The following PPM1G variants were observed in gnomAD, a reference collection of about 807,000 sequenced individuals.
The protein encoded by PPM1G is protein phosphatase 1G.
PPM1G carries 12 observed loss-of-function variants against 59.4 expected under a neutral mutation model. The observed-to-expected ratio is 0.20, with a 90% CI of 0.13 to 0.33. The LOEUF (loss-of-function observed/expected upper bound fraction) is 0.33. PPM1G is among the 10% of genes least tolerant of loss of function. The pLI is 1.00. For synonymous variants in PPM1G, 245 were observed against 251.9 expected, an observed-to-expected ratio of 0.97 and a Z score of 0.26; for missense variants, 392 against 681.3, an observed-to-expected ratio of 0.58 and a Z score of 4.73.
At chr2:27,405,914 A>T (rs958840247) in intron 1 of PPM1G, among the ~76,000 whole-genome samples, 2 of 152,148 alleles carry the variant, frequency 1.3e-5, no homozygotes, top group African/African-American at 4.8e-5. Flanking sequence ...GAGGCAGGAG[A>T]ATCGCTTGAA....
At position 27,382,541 on chromosome 2, in the gene PPM1G, A is replaced by T; in HGVS notation, c.1266T>A (p.Pro422=). Residue 422 remains proline (P), a synonymous_variant, in exon 8 of 10, where the codon CCT becomes CCA. Coordinates refer to ENST00000344034, the MANE Select transcript of PPM1G (RefSeq NM_177983.3). The surrounding 1 kb of genome is among the most constrained non-coding windows in gnomAD (Gnocchi z 4.2). ...PPEEQMISAL[P]DIKVLTLTDD... ...CAGTGAGAGTCAGCACCTTGATGTC[A>T]GGAAGGGCTGAAATCATCTGTTCCT... 6.2e-7 allele frequency: 1 copy of T among 1,614,242 alleles called. No individual in the cohort carries two copies. The highest frequency in any genetic ancestry group is 8.5e-7 in the Non-Finnish European group (1 of 1,180,036).
At chr2:27,393,167 A>G in intron 1 of PPM1G, 6 of 1,464,490 alleles carry the variant, frequency 4.1e-6, no homozygotes, top group Non-Finnish European at 1.9e-6. Context: ...TCAATTTCTC[A>G]GCATGTTCCC....
chr2:27,393,713 T>G (rs1160967487), intron 1 of PPM1G, among the ~76,000 whole-genome samples: 1 of 151,920 alleles, frequency 6.6e-6, no homozygotes, highest in Non-Finnish European at 1.5e-5. Flanking sequence ...GCCTCCCGAG[T>G]AGCTGGGAGT....
In PPM1G at chr2:27,385,982, C is replaced by T. The variant is rs1383251552; in HGVS notation, c.277-103G>A. ...CAAATTAAGAGTGTGAGCCACCACA[C>T]TAAGAGACACTCACAGATAAAAACA... On this transcript the variant is annotated intron_variant, in intron 3 of 9. Transcript: ENST00000344034. This position sits in a 1 kb window ranked among gnomAD's most constrained non-coding sequence, Gnocchi z 4.1. 1.8e-5 allele frequency: 25 copies of T among 1,411,600 alleles called. No homozygotes were observed. The East Asian group carries it at 2.3e-4, about 13-fold the overall frequency. The allele number at this position is 1,411,600 out of a possible 1,614,324, so 87.4% of individuals were successfully genotyped here.
intron 2 of PPM1G, chr2:27,386,558 CT>C: frequency 4.2e-6 from 1 of 235,572 alleles, no homozygotes; most frequent in East Asian, 9.4e-5. Context: ...ACTGGGTACA[CT>C]TTTTTGTTTT....
In PPM1G at chr2:27,409,414, G is replaced by A. The variant is rs1406374268; in HGVS notation, c.9C>T (p.Ala3=). 3.3e-6 allele frequency: 5 copies of A among 1,516,254 alleles called. No individual in the cohort carries two copies. Among genetic ancestry groups the A allele is most frequent in the Non-Finnish European group, 4.4e-6 (5 of 1,132,444 alleles). 93.9% of individuals were successfully genotyped at this position (1,516,254 alleles called of 1,614,324 possible). The part of the protein sequence containing the change: MG[A]YLSQPNTVKC... ...TCACCGTGTTGGGCTGGGAGAGGTAGGCACCCATGGCGGCGGCTGGCCGGC... is the reference window on the plus strand; with the variant it reads ...TCACCGTGTTGGGCTGGGAGAGGTAAGCACCCATGGCGGCGGCTGGCCGGC... The change falls in exon 1 of 10, where the codon GCC becomes GCT. Residue 3 remains alanine (A), a synonymous_variant. Transcript: ENST00000344034.
Position 27,382,185 on chromosome 2 carries a change from T to A in PPM1G, c.1375A>T (p.Lys459Ter), listed in dbSNP as rs1400888558. Reference sequence around the variant, plus strand: ...CCATTTTCATCACGCTGGCTGATCTTTGATTGAATGAAATCTACAACTTCC... The same window carrying A: ...CCATTTTCATCACGCTGGCTGATCTATGATTGAATGAAATCTACAACTTCC... ...SQEVVDFIQS[K>*]ISQRDENGEL... Residue 459 changes from lysine (K) to a stop codon, truncating the protein, a stop_gained, in exon 9 of 10, where the codon AAG becomes TAG. Coordinates refer to ENST00000344034, the MANE Select transcript of PPM1G (RefSeq NM_177983.3). LOFTEE classifies it high-confidence loss of function. This position sits in a 1 kb window ranked among gnomAD's most constrained non-coding sequence, Gnocchi z 4.2. 6.2e-7 allele frequency: 1 copy of A among 1,614,208 alleles called. No individual in the cohort carries two copies. The highest frequency in any genetic ancestry group is 1.1e-5 in the South Asian group (1 of 91,072).
intron 1 of PPM1G, among the ~76,000 whole-genome samples, chr2:27,405,562 A>G (rs1479330251): frequency 6.6e-6 from 1 of 150,966 alleles, no homozygotes; most frequent in Non-Finnish European, 1.5e-5. Context: ...GCCTCTGGCT[A>G]ATTTTTGTAT....
chr2:27,409,040 G>A (rs559964746), intron 1 of PPM1G, among the ~76,000 whole-genome samples: 1 of 152,304 alleles, frequency 6.6e-6, no homozygotes, highest in East Asian at 1.9e-4. Context: ...GCCAAAGCTC[G>A]GGGAGAGGGC....
At chr2:27,392,286 G>GT (rs70953857) in intron 1 of PPM1G, among the ~76,000 whole-genome samples, 7,088 of 69,870 alleles carry the variant, frequency 0.1, 502 homozygotes, top group Non-Finnish European at 0.13. Context: ...GGTTTGTTTT[G>GT]TTTTTTTTTT....
intron 1 of PPM1G, among the ~76,000 whole-genome samples, chr2:27,388,111 A>G (rs551917001): frequency 2.4e-4 from 36 of 151,844 alleles, no homozygotes; most frequent in South Asian, 1.0e-3. Flanking sequence ...AGCATTATTT[A>G]TAATAAAAAA....
At chr2:27,407,112 C>T (rs911727211) in intron 1 of PPM1G, among the ~76,000 whole-genome samples, 2 of 151,814 alleles carry the variant, frequency 1.3e-5, no homozygotes, top group South Asian at 4.2e-4. Context: ...ATTATAGGCA[C>T]GCACCACCAC....
chr2:27,402,854 A>AAAT (rs910497910), intron 1 of PPM1G, among the ~76,000 whole-genome samples: 5 of 147,448 alleles, frequency 3.4e-5, no homozygotes, highest in Non-Finnish European at 6.0e-5. Context: ...ATAAATAAAT[A>AAAT]AAATAAACAT....
Position 27,381,487 on chromosome 2 carries a change from T to TC in PPM1G, c.*111dup. On this transcript the variant is annotated 3_prime_UTR_variant, in exon 10 of 10. Transcript: ENST00000344034. ...AATGGGCGGAGTGAAGCCACCCAGC[T>TC]CCCCCTGCACACCTCATACCCACTG... The TC allele has an allele frequency of 8.0e-7, 1 of 1,251,768 alleles. No individual in the cohort carries two copies. The highest frequency in any genetic ancestry group is 1.1e-6 in the Non-Finnish European group (1 of 872,028). The allele number at this position is 1,251,768 out of a possible 1,614,324, so 77.5% of individuals were successfully genotyped here. A position where few individuals can be genotyped will look rare whatever the true frequency, so the allele number is the denominator to read the frequency against.
At chr2:27,405,773 C>T (rs1056944532) in intron 1 of PPM1G, among the ~76,000 whole-genome samples, 6 of 151,610 alleles carry the variant, frequency 4.0e-5, no homozygotes, top group Non-Finnish European at 7.4e-5. Flanking sequence ...GAGGCAGAGG[C>T]GGGCCGATCA....
intron 1 of PPM1G, among the ~76,000 whole-genome samples, chr2:27,408,169 G>A (rs561106233): frequency 1.3e-5 from 2 of 152,118 alleles, no homozygotes; most frequent in African/African-American, 4.8e-5. Context: ...AATTTGAATC[G>A]GAAAACAAAA....
intron 1 of PPM1G, among the ~76,000 whole-genome samples, chr2:27,393,821 G>A (rs1572665068): frequency 1.3e-5 from 2 of 152,034 alleles, no homozygotes; most frequent in Admixed American, 6.6e-5. Context: ...GGACTGAAGC[G>A]GCGCAATCTC....
chr2:27,395,005 G>C (rs1402287998), intron 1 of PPM1G, among the ~76,000 whole-genome samples: 4 of 151,948 alleles, frequency 2.6e-5, no homozygotes, highest in African/African-American at 4.8e-5. Flanking sequence ...CAAGGCGGGT[G>C]GATCACTTGG....
intron 1 of PPM1G, among the ~76,000 whole-genome samples, chr2:27,403,977 AAAAT>A (rs1224147381): frequency 6.6e-6 from 1 of 152,208 alleles, no homozygotes; most frequent in African/African-American, 2.4e-5. Flanking sequence ...TGAAGATAAG[AAAAT>A]AAATGTTTTT....
Sources: gnomAD v4.1 joint callset for allele counts (sites outside exome capture counted in the v4.1 genomes callset) on GRCh38, gnomAD v4.1.1 for gene constraint, Gnocchi (gnomAD v3.1) non-coding constraint, MANE v1.5 for transcripts, NCBI Gene and HGNC (gene_info 2026-07-23, HGNC 2026-07-21) for gene names.